Variants in COL6A2 observed in about 807,000 individuals in gnomAD.
COL6A2 encodes collagen alpha-2(VI) chain.
Under a neutral mutation model 124.9 loss-of-function variants are expected in COL6A2, and 90 were observed. The ratio of observed to expected loss-of-function variants is 0.72; its 90% CI spans 0.61 to 0.86. The LOEUF (loss-of-function observed/expected upper bound fraction) is 0.86. Ranked by LOEUF, COL6A2 falls within the 40% of genes least tolerant of loss-of-function variation. The probability of loss-of-function intolerance (pLI) is 0.00; values close to 1 mark genes in which losing one functional copy is unlikely to be tolerated. For synonymous variants in COL6A2, 793 were observed against 618.2 expected (o/e 1.28, Z -4.19); for missense variants, 1,607 against 1,502.5 (o/e 1.07, Z -1.15).
In COL6A2 at chr21:46,116,923, G is replaced by GCATA. The variant is rs1555873174; in HGVS notation, c.999+112_999+115dup. 67 of 643,232 alleles carry GCATA rather than the reference G, an allele frequency of 1.0e-4. No individual in the cohort carries two copies. Among genetic ancestry groups the GCATA allele is most frequent in the Admixed American group, 4.3e-4 (13 of 30,212 alleles). 39.8% of individuals were successfully genotyped at this position (643,232 alleles called of 1,614,324 possible). On this transcript the variant is annotated intron_variant, in intron 10 of 27. Transcript: ENST00000300527. The surrounding 1 kb of genome is among the most constrained non-coding windows in gnomAD (Gnocchi z 4.6). Reference sequence around the variant, plus strand: ...TGTCAGCTTACACATGTGTACACACGCATACACACACACACACACACACAC... The same window carrying GCATA: ...TGTCAGCTTACACATGTGTACACACGCATACATACACACACACACACACACACAC...
At position 46,132,512 on chromosome 21, in the gene COL6A2, A is replaced by G; in HGVS notation, c.3020A>G (p.Gln1007Arg). 1.2e-6 allele frequency: 2 copies of G among 1,607,090 alleles called. No homozygotes were observed. The highest frequency in any genetic ancestry group is 3.3e-4 in the Middle Eastern group (2 of 6,060). ...FHEKDYDSLA[Q>R]PGFFDRFIRW... ...GAGAAGGACTATGACAGCCTGGCGC[A>G]ACCCGGCTTCTTCGACCGCTTCATC... is the stretch of plus-strand genomic sequence containing the variant. Residue 1007 changes from glutamine to arginine, a missense_variant, in exon 28 of 28, where the codon CAA becomes CGA. This residue lies in a region of COL6A2 where 1,223 missense variants were observed against 1,052.2 expected (regional missense o/e 1.16). Transcript: ENST00000300527.
chr21:46,120,599 C>T (rs2078549072), intron 16 of COL6A2, 22 bp downstream of exon 16: 1 of 1,451,430 alleles, frequency 6.9e-7, no homozygotes, highest in South Asian at 1.5e-5. Context: ...GGGTGGGCCG[C>T]ACCCCAAGGT....
intron 21 of COL6A2, among the ~76,000 whole-genome samples, 190 bp from the exon 22 acceptor site, chr21:46,124,461 C>T (rs532178922): frequency 2.0e-5 from 3 of 152,206 alleles, no homozygotes; most frequent in Admixed American, 6.5e-5. Flanking sequence ...ACGGTGGCCA[C>T]TCATGGCCTT....
intron 25 of COL6A2, 73 bp downstream of exon 25, chr21:46,125,690 G>T: frequency 6.3e-7 from 1 of 1,589,062 alleles, no homozygotes; most frequent in African/African-American, 1.3e-5. Flanking sequence ...GATGGGAGAA[G>T]TCCAGACGCG....
chr21:46,123,042 G>C, intron 21 of COL6A2, 105 bp downstream of exon 21: 1 of 1,178,862 alleles, frequency 8.5e-7, no homozygotes, highest in Non-Finnish European at 1.3e-6. Flanking sequence ...CAGGCAGCTT[G>C]GCCCCAGCCA....
At position 46,125,841 on chromosome 21, in the gene COL6A2, C is replaced by A; in HGVS notation, c.2026C>A (p.Leu676Met). Residue 676 changes from leucine (L) to methionine (M), a missense_variant, in exon 26 of 28, where the codon CTG becomes ATG. Physicochemically the swap from Leu to Met is conservative, Grantham distance 15 (BLOSUM62 2). Transcript: ENST00000300527. ...CGAGGGCACCTTTGAGGCCATCCAGCTGGACGACGAACGTATCGACTCCCT... is the reference window on the plus strand; with the variant it reads ...CGAGGGCACCTTTGAGGCCATCCAGATGGACGACGAACGTATCGACTCCCT... Reference protein sequence around the residue: ...SHEGTFEAIQLDDERIDSLSS... With the variant: ...SHEGTFEAIQMDDERIDSLSS... The A allele has an allele frequency of 6.2e-7, 1 of 1,612,918 alleles. No individual in the cohort carries two copies. The highest frequency in any genetic ancestry group is 2.2e-5 in the East Asian group (1 of 44,824).
In COL6A2 at chr21:46,129,613, A is replaced by G. The variant is rs3746997; in HGVS notation, c.2462-2341A>G. The G allele has an allele frequency of 1.4e-4, 195 of 1,432,834 alleles. No homozygotes were observed. The East Asian group carries it at 4.2e-3, about 31-fold the overall frequency. The allele number at this position is 1,432,834 out of a possible 1,614,324, so 88.8% of individuals were successfully genotyped here. A position where few individuals can be genotyped will look rare whatever the true frequency, so the allele number is the denominator to read the frequency against. On this transcript the variant is annotated intron_variant, in intron 27 of 27. Transcript: ENST00000300527. ...CTGGAATCGGGGTCAGCGGGGCTACAGTCCTTCCAGGGGCTCTGGGGCAGC... is the reference window on the plus strand; with the variant it reads ...CTGGAATCGGGGTCAGCGGGGCTACGGTCCTTCCAGGGGCTCTGGGGCAGC...
chr21:46,099,593 G>T (rs1428335453), intron 1 of COL6A2, among the ~76,000 whole-genome samples: 1 of 152,162 alleles, frequency 6.6e-6, no homozygotes, highest in Non-Finnish European at 1.5e-5. Flanking sequence ...CTGATGCGGG[G>T]CTCACCCGCC....
chr21:46,107,713 T>G (rs1489564466), intron 1 of COL6A2, among the ~76,000 whole-genome samples: 1 of 152,250 alleles, frequency 6.6e-6, no homozygotes, highest in African/African-American at 2.4e-5. Flanking sequence ...TCCCAGGTCT[T>G]TAGACAAACT....
At chr21:46,106,775 C>T (rs1306472417) in intron 1 of COL6A2, among the ~76,000 whole-genome samples, 2 of 152,186 alleles carry the variant, frequency 1.3e-5, no homozygotes, top group Non-Finnish European at 2.9e-5. Flanking sequence ...TGGCCTGTTC[C>T]AGCACCAAAA....
In COL6A2 at chr21:46,116,343, C is replaced by T. The variant is rs1319692463; in HGVS notation, c.901-34C>T. The T allele has an allele frequency of 6.2e-7, 1 of 1,612,050 alleles. No homozygotes were observed. The highest frequency in any genetic ancestry group is 1.7e-5 in the Admixed American group (1 of 60,000). On this transcript the variant is annotated intron_variant, in intron 7 of 27. Coordinates refer to ENST00000300527, the MANE Select transcript of COL6A2 (RefSeq NM_001849.4). This position sits in a 1 kb window ranked among gnomAD's most constrained non-coding sequence, Gnocchi z 4.6. ...TCCCTGCCTGTGTCTCTGCAGAGCT[C>T]CTCACTAATGCCCCTCTCTCCTCCT...
Position 46,120,528 on chromosome 21 carries a change from C to G in COL6A2, c.1346C>G (p.Pro449Arg), listed in dbSNP as rs886044030. 2.0e-5 allele frequency: 30 copies of G among 1,494,150 alleles called. No homozygotes were observed. The highest frequency in any genetic ancestry group is 2.9e-5 in the African/African-American group (2 of 70,146). 92.6% of individuals were successfully genotyped at this position (1,494,150 alleles called of 1,614,324 possible). A position where few individuals can be genotyped will look rare whatever the true frequency, so the allele number is the denominator to read the frequency against. The change falls in exon 16 of 28, where the codon CCT becomes CGT. Residue 449 changes from proline to arginine, a missense_variant. Physicochemically the swap from Pro to Arg is moderately radical, Grantham distance 103. Transcript: ENST00000300527. Reference sequence around the variant, plus strand: ...CCCTTCCCACAGGGGGACCCTGGCCCTGAGGGGCCCCGCGGCCTGGCTGGA... The same window carrying G: ...CCCTTCCCACAGGGGGACCCTGGCCGTGAGGGGCCCCGCGGCCTGGCTGGA... Reference protein sequence around the residue: ...GPKGEKGDPGPEGPRGLAGEV... With the variant: ...GPKGEKGDPGREGPRGLAGEV...
chr21:46,118,946 G>A (rs1179213593), intron 13 of COL6A2, 84 bp from the exon 14 acceptor site: 1 of 1,136,660 alleles, frequency 8.8e-7, no homozygotes, highest in Non-Finnish European at 1.3e-6. Context: ...AGATAATAGG[G>A]GCTCCACACC....
Position 46,111,968 on chromosome 21 carries a change from G to A in COL6A2, c.116-11G>A, listed in dbSNP as rs886057166. 5.0e-6 allele frequency: 8 copies of A among 1,610,074 alleles called. No homozygotes were observed. In the Admixed American group the frequency reaches 1.0e-4, roughly 20 times the overall value. On this transcript the variant is annotated splice_polypyrimidine_tract_variant and intron_variant, in intron 2 of 27. Coordinates refer to ENST00000300527, the MANE Select transcript of COL6A2 (RefSeq NM_001849.4). ...CTGAGGCTGGCTCGTGACAGGTCCT[G>A]TGCCCCACAGAGAAGACCGACTGCC...
chr21:46,118,558 C>G lies in COL6A2; in HGVS notation c.1117-56C>G, dbSNP rs79332626. On this transcript the variant is annotated intron_variant, in intron 12 of 27. Coordinates refer to ENST00000300527, the MANE Select transcript of COL6A2 (RefSeq NM_001849.4). ...GGGTCCTGCCCCCGCAGCGGGCATC[C>G]TGCACCCCCCTTCCCCTGCCAAAAG... 4,618 of 1,575,236 alleles carry G rather than the reference C, an allele frequency of 2.9e-3. 101 individuals are homozygous for G. In the African/African-American group the frequency reaches 0.049, roughly 17 times the overall value.
intron 1 of COL6A2, among the ~76,000 whole-genome samples, chr21:46,110,339 CTTTTT>C (rs886979781): frequency 4.0e-5 from 6 of 150,030 alleles, no homozygotes; most frequent in African/African-American, 1.5e-4. Flanking sequence ...CTTTTAGGGA[CTTTTT>C]TTTTTATCAA....
At chr21:46,120,218 C>T (rs543268618) in intron 15 of COL6A2, among the ~76,000 whole-genome samples, 6 of 121,208 alleles carry the variant, frequency 5.0e-5, no homozygotes, top group South Asian at 2.9e-4. Context: ...GGTAAAACCC[C>T]GGCCACCAGC....
At chr21:46,108,681 G>A (rs1459646090) in intron 1 of COL6A2, among the ~76,000 whole-genome samples, 1 of 152,110 alleles carries the variant, frequency 6.6e-6, no homozygotes, top group South Asian at 2.1e-4. Context: ...TTACATTAAT[G>A]TATTCCCTAG....
intron 23 of COL6A2, 100 bp downstream of exon 23, chr21:46,125,020 C>A: frequency 6.9e-7 from 1 of 1,439,866 alleles, no homozygotes; most frequent in Non-Finnish European, 9.8e-7. Context: ...GGTCAGAGAG[C>A]AAGATCAGTG....
Sources: gnomAD v4.1 joint callset for allele counts (sites outside exome capture counted in the v4.1 genomes callset) on GRCh38, gnomAD v4.1.1 for gene constraint, gnomAD v4.1.1 regional missense constraint, Gnocchi (gnomAD v3.1) non-coding constraint, MANE v1.5 for transcripts, NCBI Gene and HGNC (gene_info 2026-07-23, HGNC 2026-07-21) for gene names.